The following CEBPZ variants were observed in gnomAD, a reference collection of about 807,000 sequenced individuals.
CEBPZ encodes CCAAT/enhancer-binding protein zeta.
CEBPZ carries 78 observed loss-of-function variants against 104.5 expected under a neutral mutation model. The ratio of observed to expected loss-of-function variants is 0.75; its 90% CI spans 0.62 to 0.90. CEBPZ has a LOEUF of 0.90. Ranked by LOEUF, CEBPZ falls within the 40% of genes least tolerant of loss-of-function variation. CEBPZ has a pLI of 0.00. For missense variants in CEBPZ, 1,439 were observed against 1,233.5 expected (o/e 1.17, Z -2.50); for synonymous variants, 470 against 427.0 (o/e 1.10, Z -1.24).
At chr2:37,223,450 C>G in intron 2 of CEBPZ, 49 bp from the exon 3 acceptor site, 1 of 1,487,774 alleles carries the variant, frequency 6.7e-7, no homozygotes, top group Non-Finnish European at 9.3e-7. Context: ...ACCATCTCCA[C>G]AACCAATGGT....
rs553150388 is a variant in CEBPZ, at chr2:37,229,569, G to A, written c.157-533C>T. Among the ~76,000 whole-genome samples the A allele has an allele frequency of 1.7e-4, 26 of 152,318 alleles. 1 individual carries two copies. In the South Asian group the frequency reaches 4.8e-3, roughly 28 times the overall value. On this transcript the variant is annotated intron_variant, in intron 1 of 15. Transcript: ENST00000234170. Reference sequence around the variant, plus strand: ...ACAATGACAGGTGATGCTGGGGAAGGGGTGGCGGAAACGGCACTTTCATAC... The same window carrying A: ...ACAATGACAGGTGATGCTGGGGAAGAGGTGGCGGAAACGGCACTTTCATAC...
chr2:37,211,812 C>G (rs921070086), intron 12 of CEBPZ, 31 bp downstream of exon 12: 1 of 1,467,802 alleles, frequency 6.8e-7, no homozygotes, highest in Admixed American at 2.2e-5. Context: ...GAGGAAGACA[C>G]AGTTTATGTC....
At chr2:37,204,916 C>T (rs1215093817) in intron 13 of CEBPZ, among the ~76,000 whole-genome samples, 2 of 152,060 alleles carry the variant, frequency 1.3e-5, no homozygotes, top group South Asian at 2.1e-4. Context: ...TTTTCTTCTC[C>T]TCAAATTCCT....
intron 2 of CEBPZ, among the ~76,000 whole-genome samples, chr2:37,225,417 T>G (rs1664862190): frequency 1.3e-5 from 2 of 151,330 alleles, no homozygotes; most frequent in African/African-American, 2.4e-5. Context: ...AAAATTCTTC[T>G]GCCTTGAGAT....
At position 37,202,974 on chromosome 2, in the gene CEBPZ, G is replaced by A. The variant is rs1677349867; in HGVS notation, c.2919C>T (p.Ser973=). The stretch of plus-strand genomic sequence containing the variant: ...CCTCTTCAGCAGATACAAATAGGCT[G>A]GAATCATTTAAGTTTCTTTTCTTTT... ...PRKKKRNLND[S]SLFVSAEEFG... is the part of the protein sequence containing the mutation. Residue 973 remains serine (S), a synonymous_variant, in exon 14 of 16, where the codon TCC becomes TCT. Coordinates refer to ENST00000234170, the MANE Select transcript of CEBPZ (RefSeq NM_005760.3). 1.3e-6 allele frequency: 2 copies of A among 1,558,624 alleles called. No individual in the cohort carries two copies. Among genetic ancestry groups the A allele is most frequent in the Non-Finnish European group, 1.7e-6 (2 of 1,155,462 alleles).
intron 8 of CEBPZ, among the ~76,000 whole-genome samples, chr2:37,215,786 T>C (rs1677852667): frequency 6.6e-6 from 1 of 152,124 alleles, no homozygotes; most frequent in Non-Finnish European, 1.5e-5. Context: ...AGCTTTAAGA[T>C]GGTCTGAATT....
chr2:37,218,890 T>C lies in CEBPZ; in HGVS notation c.2154+1495A>G, dbSNP rs574764831. 1.4e-4 allele frequency among the ~76,000 whole-genome samples: 21 copies of C among 152,286 alleles called. No individual in the cohort carries two copies. The South Asian group carries it at 4.1e-3, about 30-fold the overall frequency. On this transcript the variant is annotated intron_variant, in intron 5 of 15. Coordinates refer to ENST00000234170, the MANE Select transcript of CEBPZ (RefSeq NM_005760.3). ...GTTTCAAAAAAAAGAATTTGTAACA[T>C]TGTGCATTGGTCATTGGAAAAATAC...
chr2:37,218,740 C>T (rs545284862), intron 5 of CEBPZ, among the ~76,000 whole-genome samples: 1 of 152,182 alleles, frequency 6.6e-6, no homozygotes, highest in South Asian at 2.1e-4. Flanking sequence ...ACTGTCTGTG[C>T]TAAAAATAAA....
rs1008079753 is a variant in CEBPZ at position 37,212,364 on chromosome 2, G to A, written c.2574C>T (p.Ser858=). 5.4e-5 allele frequency: 87 copies of A among 1,613,428 alleles called. No homozygotes were observed. The highest frequency in any genetic ancestry group is 7.0e-5 in the Non-Finnish European group (82 of 1,179,736). The change falls in exon 11 of 16, where the codon AGC becomes AGT. Residue 858 remains serine (S), a synonymous_variant. Coordinates refer to ENST00000234170, the MANE Select transcript of CEBPZ (RefSeq NM_005760.3). ...IDTFEDDNCF[S]SGKDDMDFAG... ...CAAAATCCATATCATCCTTTCCAGA[G>A]CTGAAACAGTTATCATCTTCAAATG...
In CEBPZ at chr2:37,207,124, C is replaced by T. The variant is rs77464571; in HGVS notation, c.2884+3875G>A. 1.8e-3 allele frequency among the ~76,000 whole-genome samples: 281 copies of T among 152,226 alleles called. 1 individual carries two copies. Among genetic ancestry groups the T allele is most frequent in the African/African-American group, 6.5e-3 (268 of 41,526 alleles). ...TGTCATAATCCAAAATATATATGCA[C>T]CTACCACCAGAGCTTCCAAATTTAT... On this transcript the variant is annotated intron_variant, in intron 13 of 15. Transcript: ENST00000234170.
chr2:37,227,541 T>G lies in CEBPZ; in HGVS notation c.1649+3A>C, dbSNP rs1156351684. On this transcript the variant is annotated splice_donor_region_variant and intron_variant, in intron 2 of 15. Coordinates refer to ENST00000234170, the MANE Select transcript of CEBPZ (RefSeq NM_005760.3). ...GTCTCATATTGGAAGGGTATGTTCT[T>G]ACCTGTATAATGCTGTGTAATATCG... 1.3e-6 allele frequency: 2 copies of G among 1,598,360 alleles called. No individual in the cohort carries two copies. The highest frequency in any genetic ancestry group is 1.3e-5 in the African/African-American group (1 of 74,618).
Position 37,202,789 on chromosome 2 carries a change from T to A in CEBPZ, c.3020A>T (p.Asn1007Ile). 6.4e-7 allele frequency: 1 copy of A among 1,564,212 alleles called. No homozygotes were observed. Among genetic ancestry groups the A allele is most frequent in the Non-Finnish European group, 8.7e-7 (1 of 1,154,774 alleles). The change falls in exon 15 of 16, where the codon AAT (asparagine) becomes ATT (isoleucine). Residue 1007 changes from asparagine to isoleucine, a missense_variant. By Grantham distance (149) the Asn-to-Ile change is moderately radical. Coordinates refer to ENST00000234170, the MANE Select transcript of CEBPZ (RefSeq NM_005760.3). ...IGMNAMANKDNASLKQLRWEA... is the reference protein window; with the variant it reads ...IGMNAMANKDIASLKQLRWEA... The stretch of plus-strand genomic sequence containing the variant: ...AAAAAATTTAAGTTACTTACTTGCA[T>A]TATCTTTGTTAGCCATGGCATTCAT...
chr2:37,222,387 A>G lies in CEBPZ; in HGVS notation c.2058T>C (p.Asn686=). The G allele has an allele frequency of 6.3e-7, 1 of 1,577,192 alleles. No homozygotes were observed. Among genetic ancestry groups the G allele is most frequent in the Non-Finnish European group, 8.6e-7 (1 of 1,168,684 alleles). The change falls in exon 4 of 16, where the codon AAT becomes AAC. Residue 686 remains asparagine (N), a synonymous_variant. Transcript: ENST00000234170. ...AAGATGAAAAAAACTCACCTTTCAA[A>G]TTATCAAAGTGCACCCAGGAAGCAA... ...PEVASWVHFD[N]LKGGKQLNKY... is the part of the protein sequence containing the mutation.
At chr2:37,214,616 A>G (rs934974676) in intron 9 of CEBPZ, among the ~76,000 whole-genome samples, 3 of 152,200 alleles carry the variant, frequency 2.0e-5, no homozygotes, top group Non-Finnish European at 2.9e-5. Flanking sequence ...TAGTTTTACT[A>G]AGATATATTA....
intron 10 of CEBPZ, among the ~76,000 whole-genome samples, chr2:37,212,896 G>A (rs1677771562): frequency 1.4e-5 from 2 of 148,014 alleles, no homozygotes; most frequent in African/African-American, 2.5e-5. Flanking sequence ...AAAACGAGCC[G>A]GACATCATGG....
chr2:37,214,074 C>A (rs777765473), intron 9 of CEBPZ, 113 bp from the exon 10 acceptor site: 21 of 497,274 alleles, frequency 4.2e-5, no homozygotes, highest in Non-Finnish European at 6.2e-5. Context: ...CTTAAGTATA[C>A]TCAATTGGAA....
chr2:37,209,892 G>C (rs1017723066), intron 13 of CEBPZ: 1 of 152,020 alleles, frequency 6.6e-6, no homozygotes, highest in Non-Finnish European at 1.5e-5. Context: ...TCTGAGAAAG[G>C]ACTAATGTCC....
intron 2 of CEBPZ, among the ~76,000 whole-genome samples, chr2:37,223,896 A>G (rs1019588067): frequency 6.6e-6 from 1 of 152,228 alleles, no homozygotes; most frequent in African/African-American, 2.4e-5. Flanking sequence ...AGGACTTCAG[A>G]GAATCTCTAG....
rs1403881231 is a variant in CEBPZ at position 37,212,027 on chromosome 2, C to G, written c.2616G>C (p.Lys872Asn). 1 of 1,578,240 alleles carries G rather than the reference C, an allele frequency of 6.3e-7. No homozygotes were observed. The highest frequency in any genetic ancestry group is 2.2e-5 in the East Asian group (1 of 44,592). The change falls in exon 12 of 16, where the codon AAG (lysine) becomes AAC (asparagine). Residue 872 changes from lysine (K) to asparagine (N), a missense_variant. Lys to Asn is a moderately conservative substitution (Grantham distance 94). Transcript: ENST00000234170. ...TGTTATCCTTAGCTCCTTTTGTTCT[C>G]TTTTTCACGTTTCTGGAAAAAAACA... ...DDMDFAGNVKKRTKGAKDNTL... is the reference protein window; with the variant it reads ...DDMDFAGNVKNRTKGAKDNTL...
Sources: gnomAD v4.1 joint callset for allele counts (sites outside exome capture counted in the v4.1 genomes callset) on GRCh38, gnomAD v4.1.1 for gene constraint, MANE v1.5 for transcripts, NCBI Gene and HGNC (gene_info 2026-07-23, HGNC 2026-07-21) for gene names.